Variants in SEMA3A observed in about 807,000 individuals in gnomAD.
SEMA3A encodes the protein semaphorin-3A.
In SEMA3A, 29 loss-of-function variants were observed where a neutral mutation model predicts 97.9. That is an observed-to-expected ratio of 0.30 (90% CI 0.22 to 0.40). The LOEUF (loss-of-function observed/expected upper bound fraction) is 0.40, where lower values mean the gene tolerates loss of function less well. Among genes scored for constraint, SEMA3A ranks in the 10% least tolerant of loss-of-function variants. The probability of loss-of-function intolerance (pLI) is 1.00; values close to 1 mark genes in which losing one functional copy is unlikely to be tolerated. For synonymous variants in SEMA3A, 321 were observed against 323.7 expected (o/e 0.99, Z 0.09); for missense variants, 763 against 951.3 (o/e 0.80, Z 2.60).
Position 83,968,848 on chromosome 7 carries a change from T to C in SEMA3A, c.1718-5501A>G, listed in dbSNP as rs1788817002. On this transcript the variant is annotated intron_variant, in intron 15 of 16. Transcript: ENST00000265362. ...TTTTTGGAGAAAGAGTCTCACTCTC[T>C]CACCCAGGCTGGAGTGCAGTGGCAC... Among the ~76,000 whole-genome samples the C allele has an allele frequency of 1.5e-5, 2 of 130,728 alleles. 1 individual carries two copies. Among genetic ancestry groups the C allele is most frequent in the Admixed American group, 1.7e-4 (2 of 11,872 alleles). The allele number at this position is 130,728 out of a possible 152,430, so 85.8% of individuals were successfully genotyped here.
intron 1 of SEMA3A, among the ~76,000 whole-genome samples, chr7:84,485,117 A>C (rs1806542992): frequency 6.6e-6 from 1 of 152,180 alleles, no homozygotes; most frequent in Admixed American, 6.5e-5. Context: ...AAGCCACATG[A>C]CCATAGTAGT....
chr7:84,297,156 T>C (rs1245126728), intron 3 of SEMA3A, among the ~76,000 whole-genome samples: 4 of 152,122 alleles, frequency 2.6e-5, no homozygotes, highest in African/African-American at 7.2e-5. Flanking sequence ...TTTGTATTTT[T>C]AGTAGAGACG....
intron 1 of SEMA3A, among the ~76,000 whole-genome samples, chr7:84,419,179 C>G (rs1391617043): frequency 6.6e-6 from 1 of 151,984 alleles, no homozygotes; most frequent in Admixed American, 6.6e-5. Flanking sequence ...AATTTTCTCT[C>G]GACTATTTGA....
At chr7:84,221,873 C>G (rs1440943637) in intron 3 of SEMA3A, among the ~76,000 whole-genome samples, 1 of 151,892 alleles carries the variant, frequency 6.6e-6, no homozygotes, top group East Asian at 1.9e-4. Context: ...ATGAAGAGAG[C>G]ACATGCTGTT....
intron 15 of SEMA3A, among the ~76,000 whole-genome samples, chr7:83,969,821 A>C (rs1387096843): frequency 6.6e-6 from 1 of 152,202 alleles, no homozygotes. Flanking sequence ...GGGAATAATA[A>C]GAAGAGAAAG....
intron 4 of SEMA3A, among the ~76,000 whole-genome samples, chr7:84,088,409 G>A (rs912519241): frequency 6.6e-6 from 1 of 151,382 alleles, no homozygotes; most frequent in Non-Finnish European, 1.5e-5. Flanking sequence ...AGCCAAGATC[G>A]CACCACTGCA....
chr7:84,463,501 G>GCGGATC (rs554736591), intron 1 of SEMA3A, among the ~76,000 whole-genome samples: 285 of 152,040 alleles, frequency 1.9e-3, no homozygotes, highest in Middle Eastern at 3.4e-3. Context: ...GCCCACCTTG[G>GCGGATC]CCTCCCAAAG....
At chr7:84,027,011 A>T (rs1387836379) in intron 6 of SEMA3A, among the ~76,000 whole-genome samples, 4 of 152,190 alleles carry the variant, frequency 2.6e-5, no homozygotes, top group Admixed American at 2.0e-4. Context: ...AAGTTAAAAA[A>T]AAAACTGCAA....
chr7:84,410,550 AG>A (rs1479642767), intron 1 of SEMA3A, among the ~76,000 whole-genome samples: 1 of 152,114 alleles, frequency 6.6e-6, no homozygotes, highest in African/African-American at 2.4e-5. Context: ...TTTCCAATAA[AG>A]GAATAGAGTG....
intron 1 of SEMA3A, among the ~76,000 whole-genome samples, chr7:84,179,419 A>T (rs916870605): frequency 2.0e-5 from 3 of 151,942 alleles, no homozygotes; most frequent in Non-Finnish European, 4.4e-5. Context: ...GCCATTCTCC[A>T]TTTTTTTCTT....
upstream of SEMA3A, among the ~76,000 whole-genome samples, chr7:84,197,242 T>A (rs1018931816): frequency 2.0e-5 from 3 of 152,210 alleles, no homozygotes; most frequent in East Asian, 1.9e-4. Context: ...ATTTTTCTTA[T>A]CCTCCAAATT....
intron 4 of SEMA3A, among the ~76,000 whole-genome samples, chr7:84,078,616 T>G (rs1794034874): frequency 6.6e-6 from 1 of 152,096 alleles, no homozygotes; most frequent in African/African-American, 2.4e-5. Context: ...TAATCATGGT[T>G]GGACAAGGAA....
intron 1 of SEMA3A, among the ~76,000 whole-genome samples, chr7:84,143,950 A>AC (rs1796387775): frequency 5.4e-4 from 51 of 94,674 alleles, no homozygotes; most frequent in African/African-American, 1.3e-3. Flanking sequence ...CTCTCTCTCT[A>AC]ACACACACAC....
rs184031487 is a variant in SEMA3A at position 84,079,154 on chromosome 7, T to G, written c.454-18596A>C. On this transcript the variant is annotated intron_variant, in intron 4 of 16. Transcript: ENST00000265362. ...GAATCAGGCATTTAATTTGTTTTTTTAACTACAATGTTTGATGTGAAAAAT... is the reference window on the plus strand; with the variant it reads ...GAATCAGGCATTTAATTTGTTTTTTGAACTACAATGTTTGATGTGAAAAAT... 4.1e-3 allele frequency among the ~76,000 whole-genome samples: 617 copies of G among 152,274 alleles called. 4 individuals are homozygous for G. The highest frequency in any genetic ancestry group is 0.014 in the African/African-American group (593 of 41,584).
intron 6 of SEMA3A, among the ~76,000 whole-genome samples, chr7:84,042,666 C>G: frequency 1.3e-5 from 2 of 151,970 alleles, no homozygotes; most frequent in East Asian, 3.9e-4. Flanking sequence ...TAGGTAGTAC[C>G]TCTGTTCATT....
At chr7:84,011,387 A>G in intron 7 of SEMA3A, 90 bp from the exon 8 acceptor site, 1 of 827,798 alleles carries the variant, frequency 1.2e-6, no homozygotes, top group East Asian at 2.6e-5. Flanking sequence ...AGACAAACAT[A>G]AAATACAGTT....
chr7:83,963,474 G>A, intron 15 of SEMA3A, 127 bp from the exon 16 acceptor site: 2 of 1,000,264 alleles, frequency 2.0e-6, no homozygotes, highest in Non-Finnish European at 2.9e-6. Context: ...ATTGATTGAG[G>A]ATGACAGAAA....
chr7:84,241,024 G>T (rs1300583128), intron 3 of SEMA3A, among the ~76,000 whole-genome samples: 2 of 152,152 alleles, frequency 1.3e-5, no homozygotes, highest in African/African-American at 4.8e-5. Context: ...GCTTGGGTTG[G>T]TTCCAAGTCT....
chr7:84,139,206 T>C (rs928929937), intron 1 of SEMA3A, among the ~76,000 whole-genome samples: 8 of 152,118 alleles, frequency 5.3e-5, no homozygotes, highest in African/African-American at 1.4e-4. Flanking sequence ...TAAACAACAA[T>C]TGTTGTTTTT....
Sources: allele counts gnomAD v4.1 joint callset (sites outside exome capture counted in the v4.1 genomes callset), GRCh38; gene constraint gnomAD v4.1.1; transcripts MANE v1.5; gene names NCBI Gene and HGNC (gene_info 2026-07-23, HGNC 2026-07-21).